The following IMMP2L variants were observed in gnomAD, a reference collection of about 807,000 sequenced individuals.
IMMP2L encodes inner mitochondrial membrane peptidase subunit 2.
Under a neutral mutation model 19.3 loss-of-function variants are expected in IMMP2L, and 18 were observed. The ratio of observed to expected loss-of-function variants is 0.93; its 90% CI spans 0.64 to 1.38. IMMP2L has a LOEUF of 1.38. Ranked by LOEUF, IMMP2L falls within the 40% of genes most tolerant of loss-of-function variation. IMMP2L has a pLI of 0.00. For synonymous variants in IMMP2L, 76 were observed against 73.0 expected, an observed-to-expected ratio of 1.04 and a Z score of -0.21; for missense variants, 233 against 218.2, an observed-to-expected ratio of 1.07 and a Z score of -0.43.
In IMMP2L at chr7:111,547,515, C is replaced by CCCG. The variant is rs1176712613; in HGVS notation, c.-3+14335_-3+14336insCGG. Among the ~76,000 whole-genome samples the CCCG allele has an allele frequency of 3.3e-3, 490 of 147,922 alleles. 8 individuals carry two copies. The highest frequency in any genetic ancestry group is 0.012 in the African/African-American group (455 of 38,780). ...TAAACAAACTGTCATACCCCCCCCC[C>CCCG]CTTTTTATCCTGCTTTTTTGCTTGT... On this transcript the variant is annotated intron_variant, in intron 1 of 5. Coordinates refer to ENST00000405709, the MANE Select transcript of IMMP2L (RefSeq NM_032549.4).
rs549109325 is a variant in IMMP2L, at chr7:110,769,265, C to T, written c.409-105544G>A. Among the ~76,000 whole-genome samples, 6 of 152,270 alleles carry T rather than the reference C, an allele frequency of 3.9e-5. No individual in the cohort carries two copies. In the South Asian group the frequency reaches 8.3e-4, roughly 21 times the overall value. ...TATACTTTATGTCCAGCCTTTTTAGCTCTTAAACATCCACATTCACTTCCA... is the reference window on the plus strand; with the variant it reads ...TATACTTTATGTCCAGCCTTTTTAGTTCTTAAACATCCACATTCACTTCCA... On this transcript the variant is annotated intron_variant, in intron 5 of 5. Coordinates refer to ENST00000405709, the MANE Select transcript of IMMP2L (RefSeq NM_032549.4).
intron 3 of IMMP2L, among the ~76,000 whole-genome samples, chr7:111,426,827 T>G (rs1836126655): frequency 6.6e-6 from 1 of 151,212 alleles, no homozygotes; most frequent in African/African-American, 2.4e-5. Context: ...TGAGATTTTT[T>G]TAAATAATGA....
chr7:110,808,451 A>G (rs1238821491), intron 5 of IMMP2L, among the ~76,000 whole-genome samples: 1 of 152,062 alleles, frequency 6.6e-6, no homozygotes, highest in Non-Finnish European at 1.5e-5. Context: ...TGCAGTCACT[A>G]AAAGGCTAAT....
intron 3 of IMMP2L, chr7:111,122,703 C>T (rs1800795902): frequency 1.7e-6 from 2 of 1,174,588 alleles, no homozygotes; most frequent in Non-Finnish European, 2.4e-6. Flanking sequence ...CAATCAGCTC[C>T]TATTGAACTT....
intron 3 of IMMP2L, among the ~76,000 whole-genome samples, chr7:111,050,220 A>T (rs776984541): frequency 6.6e-6 from 1 of 152,222 alleles, no homozygotes; most frequent in Non-Finnish European, 1.5e-5. Flanking sequence ...GTTTTAATCC[A>T]TAGAAATTGA....
At chr7:111,099,304 T>C (rs1432781774) in intron 3 of IMMP2L, among the ~76,000 whole-genome samples, 1 of 151,730 alleles carries the variant, frequency 6.6e-6, no homozygotes, top group African/African-American at 2.4e-5. Flanking sequence ...CATTCTCTTT[T>C]AAATGATGAA....
chr7:111,533,252 G>A (rs113915833), intron 1 of IMMP2L, among the ~76,000 whole-genome samples: 11 of 152,162 alleles, frequency 7.2e-5, no homozygotes, highest in East Asian at 3.9e-4. Flanking sequence ...ATGGAACTGC[G>A]ATCTCATTTA....
At position 111,428,474 on chromosome 7, in the gene IMMP2L, T is replaced by G. The variant is rs190914877; in HGVS notation, c.239+58764A>C. ...TTTACAAGATGCTTCATATGTGAAA[T>G]AAATTAAGAATCAATTCAAAAGAAG... is the stretch of plus-strand genomic sequence containing the variant. On this transcript the variant is annotated intron_variant, in intron 3 of 5. Transcript: ENST00000405709. 1.0e-3 allele frequency among the ~76,000 whole-genome samples: 159 copies of G among 151,884 alleles called. 4 individuals are homozygous for G. The highest frequency in any genetic ancestry group is 3.8e-3 in the African/African-American group (155 of 41,250).
intron 1 of IMMP2L, among the ~76,000 whole-genome samples, chr7:111,523,413 C>T (rs991123432): frequency 6.6e-6 from 1 of 151,912 alleles, no homozygotes; most frequent in Non-Finnish European, 1.5e-5. Flanking sequence ...TCTGTTCACT[C>T]ATAAAATAAA....
intron 3 of IMMP2L, among the ~76,000 whole-genome samples, chr7:111,055,107 G>C (rs1030378019): frequency 6.6e-6 from 1 of 150,830 alleles, no homozygotes; most frequent in Admixed American, 6.6e-5. Flanking sequence ...CTGGAGTGCA[G>C]TGGTGCAATC....
At chr7:111,454,062 A>G (rs1439754516) in intron 3 of IMMP2L, among the ~76,000 whole-genome samples, 3 of 152,184 alleles carry the variant, frequency 2.0e-5, no homozygotes, top group African/African-American at 7.2e-5. Flanking sequence ...ACATCATCAA[A>G]GCATTGTGAG....
At chr7:110,940,222 G>A (rs548184917) in intron 4 of IMMP2L, among the ~76,000 whole-genome samples, 1 of 151,766 alleles carries the variant, frequency 6.6e-6, no homozygotes, top group Non-Finnish European at 1.5e-5. Context: ...GGGAGGGTGA[G>A]GCAGGAGAAT....
At chr7:111,176,786 C>T (rs1807111990) in intron 3 of IMMP2L, among the ~76,000 whole-genome samples, 1 of 150,960 alleles carries the variant, frequency 6.6e-6, no homozygotes, top group East Asian at 1.9e-4. Flanking sequence ...ATCATTTAAA[C>T]CCATTCGAAC....
chr7:111,150,120 A>T (rs1457934698), intron 3 of IMMP2L, among the ~76,000 whole-genome samples: 1 of 152,184 alleles, frequency 6.6e-6, no homozygotes, highest in Non-Finnish European at 1.5e-5. Context: ...CAACCATGAC[A>T]TGAAAACCAA....
At chr7:110,771,722 A>G (rs897997755) in intron 5 of IMMP2L, among the ~76,000 whole-genome samples, 1 of 152,158 alleles carries the variant, frequency 6.6e-6, no homozygotes, top group African/African-American at 2.4e-5. Context: ...ACAAAACCCA[A>G]CGAAGACTCC....
At chr7:110,805,733 A>G (rs1332703580) in intron 5 of IMMP2L, among the ~76,000 whole-genome samples, 4 of 152,024 alleles carry the variant, frequency 2.6e-5, no homozygotes. Context: ...AACACAGTAA[A>G]TCCTCTTCTA....
intron 3 of IMMP2L, among the ~76,000 whole-genome samples, chr7:111,405,589 T>C (rs545820401): frequency 6.5e-4 from 99 of 152,286 alleles, no homozygotes; most frequent in Non-Finnish European, 4.7e-4. Context: ...GAATTATTTA[T>C]GCACTTAAAA....
intron 4 of IMMP2L, among the ~76,000 whole-genome samples, chr7:110,914,705 A>G (rs150690327): frequency 3.6e-4 from 55 of 152,270 alleles, no homozygotes; most frequent in African/African-American, 1.2e-3. Flanking sequence ...ATTCTTCTCA[A>G]TGCCTCAAAC....
At chr7:110,735,489 GCTATTCATCA>G in intron 5 of IMMP2L, among the ~76,000 whole-genome samples, 1 of 152,000 alleles carries the variant, frequency 6.6e-6, no homozygotes, top group Admixed American at 6.5e-5. Flanking sequence ...GAAGCCAGAT[GCTATTCATCA>G]AGACAATGAA....
Sources: allele counts gnomAD v4.1 joint callset (sites outside exome capture counted in the v4.1 genomes callset), GRCh38; gene constraint gnomAD v4.1.1; transcripts MANE v1.5; gene names NCBI Gene and HGNC (gene_info 2026-07-23, HGNC 2026-07-21).